Variants in ADAMTS19 observed in about 807,000 individuals in gnomAD.
The protein encoded by ADAMTS19 is A disintegrin and metalloproteinase with thrombospondin motifs 19.
In ADAMTS19, 93 loss-of-function variants were observed where a neutral mutation model predicts 153.3. That is an observed-to-expected ratio of 0.61 (90% CI 0.51 to 0.72). The LOEUF is 0.72. Ranked by LOEUF, ADAMTS19 falls within the 30% of genes least tolerant of loss-of-function variation. The pLI is 0.00. For missense variants in ADAMTS19, 1,482 were observed against 1,552.1 expected (o/e 0.95, Z 0.76); for synonymous variants, 600 against 556.6 (o/e 1.08, Z -1.10).
At chr5:129,667,796 A>G (rs1012206813) in intron 16 of ADAMTS19, among the ~76,000 whole-genome samples, 3 of 152,158 alleles carry the variant, frequency 2.0e-5, no homozygotes, top group Non-Finnish European at 2.9e-5. Flanking sequence ...GTGTTTCATG[A>G]TAGCAGTGCA....
intron 7 of ADAMTS19, among the ~76,000 whole-genome samples, chr5:129,565,604 T>G (rs1046982853): frequency 6.6e-6 from 1 of 152,214 alleles, no homozygotes; most frequent in Non-Finnish European, 1.5e-5. Context: ...AAAATGATCC[T>G]ATTTATATAT....
At chr5:129,723,365 G>A (rs1200180449) in intron 21 of ADAMTS19, among the ~76,000 whole-genome samples, 1 of 152,132 alleles carries the variant, frequency 6.6e-6, no homozygotes, top group East Asian at 1.9e-4. Context: ...AATAATGTAG[G>A]AAATGGCAGG....
At chr5:129,531,598 C>T (rs1752207704) in intron 6 of ADAMTS19, among the ~76,000 whole-genome samples, 1 of 152,142 alleles carries the variant, frequency 6.6e-6, no homozygotes, top group Admixed American at 6.5e-5. Flanking sequence ...GCACGCCAGC[C>T]TGGGCGACTG....
intron 10 of ADAMTS19, among the ~76,000 whole-genome samples, chr5:129,627,278 G>A (rs1428871014): frequency 2.0e-5 from 3 of 152,066 alleles, no homozygotes; most frequent in African/African-American, 4.8e-5. Flanking sequence ...GTATATTGAG[G>A]TAGGAATAGA....
intron 14 of ADAMTS19, among the ~76,000 whole-genome samples, chr5:129,656,009 A>C (rs1753534542): frequency 6.6e-6 from 1 of 152,186 alleles, no homozygotes; most frequent in South Asian, 2.1e-4. Flanking sequence ...TCATCTCATC[A>C]TTATATATAA....
intron 3 of ADAMTS19, among the ~76,000 whole-genome samples, chr5:129,517,597 A>C (rs1751656444): frequency 6.6e-6 from 1 of 151,922 alleles, no homozygotes; most frequent in African/African-American, 2.4e-5. Context: ...ATATAAATAT[A>C]GCAACTCCTG....
chr5:129,461,169 G>C lies in ADAMTS19; in HGVS notation c.159G>C (p.Pro53=). Residue 53 remains proline (P), a synonymous_variant, in exon 2 of 23, where the codon CCG becomes CCC. Transcript: ENST00000274487. The surrounding 1 kb of genome is among the most constrained non-coding windows in gnomAD (Gnocchi z 4.6). The part of the protein sequence containing the change: ...VVFPALWRRE[P]VDPAGGSGGS... ...TTCCTGCGCTCTGGCGCCGGGAGCC[G>C]GTGGACCCGGCTGGCGGCAGCGGGG... The C allele has an allele frequency of 3.1e-5, 43 of 1,385,096 alleles. No individual in the cohort carries two copies. Among genetic ancestry groups the C allele is most frequent in the Non-Finnish European group, 4.0e-5 (43 of 1,065,800 alleles). 85.8% of individuals were successfully genotyped at this position (1,385,096 alleles called of 1,614,324 possible).
intron 19 of ADAMTS19, among the ~76,000 whole-genome samples, chr5:129,695,140 T>C (rs1441985569): frequency 6.6e-6 from 1 of 152,120 alleles, no homozygotes; most frequent in Non-Finnish European, 1.5e-5. Context: ...CTTCAAAAAC[T>C]TTGTTATTTG....
rs764202409 is a variant in ADAMTS19 at position 129,528,524 on chromosome 5, A to T, written c.1175A>T (p.Glu392Val). 1 of 1,591,092 alleles carries T rather than the reference A, an allele frequency of 6.3e-7. No homozygotes were observed. The highest frequency in any genetic ancestry group is 1.1e-5 in the South Asian group (1 of 87,392). ...ATGAGCTCTGTTCTTTTGCAGCCAG[A>T]ACTATATATTGGGCATCATGGAGAA... is the stretch of plus-strand genomic sequence containing the variant. ...KLILLHETPPELYIGHHGEKM... is the reference protein window; with the variant it reads ...KLILLHETPPVLYIGHHGEKM... The change falls in exon 6 of 23, where the codon GAA becomes GTA. Residue 392 changes from glutamate (E) to valine (V), a missense_variant. Around this residue, in one of 2 missense-constraint regions of ADAMTS19, gnomAD observed 866 missense variants for 827.7 expected, o/e 1.05. Coordinates refer to ENST00000274487, the MANE Select transcript of ADAMTS19 (RefSeq NM_133638.6).
chr5:129,703,654 C>T (rs12654230), intron 20 of ADAMTS19, among the ~76,000 whole-genome samples: 23,365 of 151,908 alleles, frequency 0.15, 2,003 homozygotes, highest in East Asian at 0.31. Context: ...ATCACTGGAG[C>T]CCAGGAAATG....
Position 129,629,716 on chromosome 5 carries a change from T to C in ADAMTS19, c.1770+7368T>C, listed in dbSNP as rs560135414. Among the ~76,000 whole-genome samples the C allele has an allele frequency of 2.4e-3, 365 of 152,242 alleles. 2 individuals are homozygous for C. The highest frequency in any genetic ancestry group is 6.9e-3 in the African/African-American group (285 of 41,562). On this transcript the variant is annotated intron_variant, in intron 10 of 22. Transcript: ENST00000274487. ...CTTCTGCATAAATTTGCAGAATTAA[T>C]GGCTGACTTCTTGGATGGCTTTGTT...
chr5:129,592,565 CA>C (rs1750193203), intron 7 of ADAMTS19, among the ~76,000 whole-genome samples: 2 of 152,078 alleles, frequency 1.3e-5, no homozygotes, highest in Non-Finnish European at 2.9e-5. Context: ...GTCGTGGTTA[CA>C]GTCATTCTCT....
intron 7 of ADAMTS19, among the ~76,000 whole-genome samples, chr5:129,581,253 T>G (rs1244700906): frequency 4.6e-5 from 7 of 151,790 alleles, no homozygotes; most frequent in Non-Finnish European, 8.8e-5. Context: ...GGATGGTAGT[T>G]TGTATTTCTT....
chr5:129,483,278 C>A (rs1425029308), intron 2 of ADAMTS19, among the ~76,000 whole-genome samples: 1 of 152,140 alleles, frequency 6.6e-6, no homozygotes, highest in Non-Finnish European at 1.5e-5. Context: ...GATATTTAAT[C>A]TCTCTGAGTC....
In ADAMTS19 at chr5:129,582,739, A is replaced by ATT. The variant is rs57833122; in HGVS notation, c.1373-13806_1373-13805dup. 4.6e-3 allele frequency among the ~76,000 whole-genome samples: 653 copies of ATT among 140,938 alleles called. 3 individuals are homozygous for ATT. The highest frequency in any genetic ancestry group is 0.016 in the African/African-American group (620 of 38,320). The allele number at this position is 140,938 out of a possible 152,430, so 92.5% of individuals were successfully genotyped here. On this transcript the variant is annotated intron_variant, in intron 7 of 22. Transcript: ENST00000274487. ...AGGCGCCCACCACCATGCCCAGCTA[A>ATT]TTTTTTTTTTTTTTTGTATTTTTTA...
intron 7 of ADAMTS19, among the ~76,000 whole-genome samples, chr5:129,584,394 C>T (rs911310386): frequency 1.3e-5 from 2 of 152,328 alleles, no homozygotes; most frequent in South Asian, 2.1e-4. Flanking sequence ...CTTGAGGAGG[C>T]AGTCTGTCCC....
chr5:129,700,606 C>T (rs1448228700), intron 19 of ADAMTS19, among the ~76,000 whole-genome samples: 1 of 152,106 alleles, frequency 6.6e-6, no homozygotes, highest in Non-Finnish European at 1.5e-5. Context: ...CTCTGTGTGC[C>T]TGAGCTTCCC....
intron 7 of ADAMTS19, among the ~76,000 whole-genome samples, chr5:129,589,754 C>A (rs930639583): frequency 2.0e-5 from 3 of 152,030 alleles, no homozygotes; most frequent in South Asian, 2.1e-4. Context: ...GGAAACATTT[C>A]TTTACTTGGT....
At chr5:129,587,651 C>A (rs1474865247) in intron 7 of ADAMTS19, among the ~76,000 whole-genome samples, 1 of 152,092 alleles carries the variant, frequency 6.6e-6, no homozygotes, top group African/African-American at 2.4e-5. Flanking sequence ...TTTAAAATAC[C>A]ATTCCATGCC....
Sources: allele counts gnomAD v4.1 joint callset (sites outside exome capture counted in the v4.1 genomes callset), GRCh38; gene constraint gnomAD v4.1.1; regional missense constraint gnomAD v4.1.1; non-coding constraint Gnocchi (gnomAD v3.1); transcripts MANE v1.5; gene names NCBI Gene and HGNC (gene_info 2026-07-23, HGNC 2026-07-21).